The following SLC16A12 variants were observed in gnomAD, a reference collection of about 807,000 sequenced individuals.
The protein encoded by SLC16A12 is solute carrier family 16 member 12.
SLC16A12 carries 17 observed loss-of-function variants against 42.4 expected under a neutral mutation model. The ratio of observed to expected loss-of-function variants is 0.40; its 90% confidence interval spans 0.27 to 0.60. The LOEUF is 0.60. Among genes scored for constraint, SLC16A12 ranks in the 20% least tolerant of loss-of-function variants. SLC16A12 has a pLI of 0.42. For missense variants in SLC16A12, 544 were observed against 623.0 expected (o/e 0.87, Z 1.35); for synonymous variants, 224 against 229.4 (o/e 0.98, Z 0.21).
intron 2 of SLC16A12, among the ~76,000 whole-genome samples, chr10:89,551,167 C>G (rs191193900): frequency 1.3e-5 from 2 of 152,140 alleles, no homozygotes; most frequent in Non-Finnish European, 2.9e-5. Flanking sequence ...TTCAGCCTGG[C>G]GTGGTGGCTC....
chr10:89,544,959 C>G (rs1449160621), intron 2 of SLC16A12, among the ~76,000 whole-genome samples: 2 of 152,180 alleles, frequency 1.3e-5, no homozygotes, highest in Non-Finnish European at 2.9e-5. Context: ...CTTATGATTG[C>G]TTTAGCCAAT....
intron 2 of SLC16A12, among the ~76,000 whole-genome samples, chr10:89,520,637 A>C (rs1380482715): frequency 2.0e-5 from 3 of 151,644 alleles, no homozygotes; most frequent in African/African-American, 7.3e-5. Context: ...TTAGCCCTGA[A>C]CTAGTTAGCA....
rs548105548 is a variant in SLC16A12, at chr10:89,522,866, T to C, written c.-47+11635A>G. ...AGGTATTTTAACAATGCTTGCGATA[T>C]AGAAAGTGCCCAAAACACGTTAGCT... On this transcript the variant is annotated intron_variant, in intron 2 of 7. Transcript: ENST00000371790. 2.0e-5 allele frequency among the ~76,000 whole-genome samples: 3 copies of C among 152,378 alleles called. 1 individual carries two copies. In the East Asian group the frequency reaches 5.8e-4, roughly 29 times the overall value.
intron 2 of SLC16A12, among the ~76,000 whole-genome samples, chr10:89,533,611 GAGAATCAGAA>G (rs1367807458): frequency 6.6e-6 from 1 of 152,036 alleles, no homozygotes; most frequent in African/African-American, 2.4e-5. Flanking sequence ...AGAGGGTGCT[GAGAATCAGAA>G]AAGACTCCAA....
Position 89,438,596 on chromosome 10 carries a change from A to C in SLC16A12, c.1028+8T>G. 6.2e-7 allele frequency: 1 copy of C among 1,613,242 alleles called. No individual in the cohort carries two copies. Among genetic ancestry groups the C allele is most frequent in the Non-Finnish European group, 8.5e-7 (1 of 1,179,608 alleles). On this transcript the variant is annotated splice_region_variant and intron_variant, in intron 6 of 7. Transcript: ENST00000371790. ...GTGGGGAACCAATTGTGGTTTCATG[A>C]ATTTTACCTTCTGTCGGTCAGCCAT... is the stretch of plus-strand genomic sequence containing the variant.
At chr10:89,529,098 T>C (rs1474586032) in intron 2 of SLC16A12, among the ~76,000 whole-genome samples, 1 of 152,236 alleles carries the variant, frequency 6.6e-6, no homozygotes, top group Admixed American at 6.5e-5. Flanking sequence ...TGTTCTCCCT[T>C]ATGAGATTTA....
chr10:89,508,177 A>G (rs1193054351), intron 2 of SLC16A12, among the ~76,000 whole-genome samples: 1 of 152,162 alleles, frequency 6.6e-6, no homozygotes, highest in Non-Finnish European at 1.5e-5. Flanking sequence ...ATGAGACAGA[A>G]AATTAACAAG....
At chr10:89,467,105 G>C (rs1842414149) in intron 2 of SLC16A12, among the ~76,000 whole-genome samples, 1 of 152,194 alleles carries the variant, frequency 6.6e-6, no homozygotes, top group Non-Finnish European at 1.5e-5. Flanking sequence ...AGAAACTCCT[G>C]CCTTGGTATA....
At chr10:89,496,906 A>C (rs1179824927) in intron 2 of SLC16A12, among the ~76,000 whole-genome samples, 1 of 152,224 alleles carries the variant, frequency 6.6e-6, no homozygotes. Context: ...AGGAACTCCT[A>C]TTAAAAAGAC....
intron 3 of SLC16A12, among the ~76,000 whole-genome samples, chr10:89,458,228 C>A (rs1451581944): frequency 6.6e-6 from 1 of 152,118 alleles, no homozygotes; most frequent in Non-Finnish European, 1.5e-5. Context: ...ATCCAATATG[C>A]GTTAGCCCAT....
At position 89,432,847 on chromosome 10, in the gene SLC16A12, T is replaced by C. The variant is rs1841713964; in HGVS notation, c.*217A>G. Reference sequence around the variant, plus strand: ...CATTGACCAAAAGATACGAGTTCAGTTATGAGCACAAATCCCAAATGAGAA... The same window carrying C: ...CATTGACCAAAAGATACGAGTTCAGCTATGAGCACAAATCCCAAATGAGAA... On this transcript the variant is annotated 3_prime_UTR_variant, in exon 8 of 8. Transcript: ENST00000371790. 3 of 588,286 alleles carry C rather than the reference T, an allele frequency of 5.1e-6. No individual in the cohort carries two copies. Among genetic ancestry groups the C allele is most frequent in the Non-Finnish European group, 5.7e-6 (2 of 350,102 alleles). The allele number at this position is 588,286 out of a possible 1,614,324, so 36.4% of individuals were successfully genotyped here. A position where few individuals can be genotyped will look rare whatever the true frequency, so the allele number is the denominator to read the frequency against.
intron 3 of SLC16A12, among the ~76,000 whole-genome samples, chr10:89,454,098 A>G (rs1476784454): frequency 6.6e-6 from 1 of 151,774 alleles, no homozygotes; most frequent in Non-Finnish European, 1.5e-5. Flanking sequence ...TGATCACTGC[A>G]GCCTTGACCT....
chr10:89,443,733 C>T (rs1434766007), intron 4 of SLC16A12, 23 bp downstream of exon 4: 2 of 1,532,230 alleles, frequency 1.3e-6, no homozygotes, highest in African/African-American at 1.4e-5. Context: ...CAGTAATTCC[C>T]TATCCTAGTA....
In SLC16A12 at chr10:89,431,550, T is replaced by C. The variant is rs1347906994; in HGVS notation, c.*1514A>G. 6.6e-6 allele frequency: 1 copy of C among 152,226 alleles called. No individual in the cohort carries two copies. The highest frequency in any genetic ancestry group is 2.4e-5 in the African/African-American group (1 of 41,464). 9.4% of individuals were successfully genotyped at this position (152,226 alleles called of 1,614,324 possible). A position where few individuals can be genotyped will look rare whatever the true frequency, so the allele number is the denominator to read the frequency against. On this transcript the variant is annotated 3_prime_UTR_variant, in exon 8 of 8. Transcript: ENST00000371790. ...ACACATTAACTCAGGATCATCCTCA[T>C]TGCTGTTTTTTTTCCCCCAGCACTT...
intron 2 of SLC16A12, among the ~76,000 whole-genome samples, chr10:89,470,689 C>T (rs2133766951): frequency 6.6e-6 from 1 of 152,368 alleles, no homozygotes; most frequent in South Asian, 2.1e-4. Flanking sequence ...TTCCTCCAGG[C>T]CCTGGCCATA....
rs937008308 is a variant in SLC16A12 at position 89,439,855 on chromosome 10, C to A, written c.449-672G>T. 2.0e-5 allele frequency among the ~76,000 whole-genome samples: 3 copies of A among 151,760 alleles called. No individual in the cohort carries two copies. The South Asian group carries it at 6.2e-4, about 32-fold the overall frequency. On this transcript the variant is annotated intron_variant, in intron 5 of 7. Coordinates refer to ENST00000371790, the MANE Select transcript of SLC16A12 (RefSeq NM_213606.4). The stretch of plus-strand genomic sequence containing the variant: ...GGGATGCTGAGGCAGGCAGATCACT[C>A]GAGCTCAGGAGTTTGAGACCAGCCT...
Position 89,431,304 on chromosome 10 carries a change from T to C in SLC16A12, c.*1760A>G, listed in dbSNP as rs569591000. On this transcript the variant is annotated 3_prime_UTR_variant, in exon 8 of 8. Transcript: ENST00000371790. ...GAGCGACCATGCCCAGTCCCAAATA[T>C]TTTTAAAATTGCAAATGACAAAGTC... 2.0e-5 allele frequency: 3 copies of C among 152,406 alleles called. No individual in the cohort carries two copies. In the East Asian group the frequency reaches 5.8e-4, roughly 29 times the overall value. 9.4% of individuals were successfully genotyped at this position (152,406 alleles called of 1,614,324 possible). A position where few individuals can be genotyped will look rare whatever the true frequency, so the allele number is the denominator to read the frequency against.
chr10:89,501,089 C>A (rs969092944), intron 2 of SLC16A12, among the ~76,000 whole-genome samples: 1 of 152,060 alleles, frequency 6.6e-6, no homozygotes, highest in African/African-American at 2.4e-5. Flanking sequence ...TAGGAATATA[C>A]CTAACCAAGG....
chr10:89,471,997 G>C lies in SLC16A12; in HGVS notation c.-46-9373C>G, dbSNP rs560725384. On this transcript the variant is annotated intron_variant, in intron 2 of 7. Transcript: ENST00000371790. Reference sequence around the variant, plus strand: ...TCTGTTTTTTATTATTGGGATACAGGAATACTTTATATATTCTAGATACAA... The same window carrying C: ...TCTGTTTTTTATTATTGGGATACAGCAATACTTTATATATTCTAGATACAA... Among the ~76,000 whole-genome samples, 3 of 151,956 alleles carry C rather than the reference G, an allele frequency of 2.0e-5. No individual in the cohort carries two copies. In the East Asian group the frequency reaches 5.8e-4, roughly 29 times the overall value.
Sources: gnomAD v4.1 joint callset for allele counts (sites outside exome capture counted in the v4.1 genomes callset) on GRCh38, gnomAD v4.1.1 for gene constraint, MANE v1.5 for transcripts, NCBI Gene and HGNC (gene_info 2026-07-23, HGNC 2026-07-21) for gene names.